The following KDM4C variants were observed in gnomAD, a reference collection of about 807,000 sequenced individuals.
KDM4C encodes lysine demethylase 4C, also known as lysine-specific demethylase 4C.
A neutral mutation model predicts 129.3 loss-of-function variants in KDM4C; 81 were observed. The observed-to-expected ratio is 0.63, with a 90% CI of 0.52 to 0.75. The LOEUF (loss-of-function observed/expected upper bound fraction) is 0.75, where lower values mean the gene tolerates loss of function less well. Among genes scored for constraint, KDM4C ranks in the 30% least tolerant of loss-of-function variants. The pLI is 0.00. For synonymous variants in KDM4C, 573 were observed against 456.1 expected, an observed-to-expected ratio of 1.26 and a Z score of -3.26; for missense variants, 1,457 against 1,304.0, an observed-to-expected ratio of 1.12 and a Z score of -1.81.
intron 5 of KDM4C, among the ~76,000 whole-genome samples, chr9:6,874,435 A>G (rs374688747): frequency 6.6e-6 from 1 of 152,304 alleles, no homozygotes; most frequent in South Asian, 2.1e-4. Flanking sequence ...ATTCTGTTTC[A>G]GCTATTGTCT....
At chr9:6,999,747 G>T (rs766409564) in intron 12 of KDM4C, among the ~76,000 whole-genome samples, 1 of 33,494 alleles carries the variant, frequency 3.0e-5, no homozygotes, top group Non-Finnish European at 5.6e-5. Context: ...AGGGTAGGCA[G>T]GCTGCGACTT....
chr9:6,912,154 T>C (rs551879022), intron 8 of KDM4C, among the ~76,000 whole-genome samples: 2 of 152,310 alleles, frequency 1.3e-5, no homozygotes, highest in South Asian at 2.1e-4. Flanking sequence ...TTGCTGTTTC[T>C]GGCCAGCCTT....
intron 1 of KDM4C, among the ~76,000 whole-genome samples, chr9:6,790,616 C>T (rs1431489863): frequency 7.1e-6 from 1 of 141,402 alleles, no homozygotes; most frequent in African/African-American, 2.6e-5. Context: ...TGCCCCATCC[C>T]TCATTTCTAA....
intron 17 of KDM4C, among the ~76,000 whole-genome samples, chr9:7,060,077 A>T (rs1027081416): frequency 6.6e-6 from 1 of 152,118 alleles, no homozygotes; most frequent in African/African-American, 2.4e-5. Context: ...GTGTTCTCAC[A>T]TTCCTTGCAA....
In KDM4C at chr9:7,052,906, CG is replaced by C. The variant is rs1269662978; in HGVS notation, c.2424+3707del. 1.1e-3 allele frequency among the ~76,000 whole-genome samples: 55 copies of C among 47,948 alleles called. 1 individual carries two copies. Among genetic ancestry groups the C allele is most frequent in the African/African-American group, 2.2e-3 (40 of 18,168 alleles). 31.5% of individuals were successfully genotyped at this position (47,948 alleles called of 152,430 possible). A position where few individuals can be genotyped will look rare whatever the true frequency, so the allele number is the denominator to read the frequency against. The stretch of plus-strand genomic sequence containing the variant: ...GAGAGAGAGAGAGAGAGAGAGCGAG[CG>C]AGTGCCCAAGGGATGACAATAGAGC... On this transcript the variant is annotated intron_variant, in intron 17 of 21. Transcript: ENST00000381309.
chr9:7,013,677 G>T lies in KDM4C; in HGVS notation c.1969-111G>T, dbSNP rs73399834. On this transcript the variant is annotated intron_variant, in intron 13 of 21. Coordinates refer to ENST00000381309, the MANE Select transcript of KDM4C (RefSeq NM_015061.6). ...GTTTGGTCAAGGAGAACAACAGGAA[G>T]AACAAAAGTTAGAAGTTAGTGTCTG... The T allele has an allele frequency of 2.1e-3, 2,083 of 1,000,034 alleles. 7 individuals are homozygous for T. Among genetic ancestry groups the T allele is most frequent in the African/African-American group, 0.013 (798 of 61,240 alleles). 61.9% of individuals were successfully genotyped at this position (1,000,034 alleles called of 1,614,324 possible). A position where few individuals can be genotyped will look rare whatever the true frequency, so the allele number is the denominator to read the frequency against.
At chr9:6,755,225 G>A (rs868503181), upstream of KDM4C, among the ~76,000 whole-genome samples, 5 of 152,294 alleles carry the variant, frequency 3.3e-5, no homozygotes, top group Middle Eastern at 6.8e-3. Context: ...CAAAAAATTA[G>A]CTAGGTGTGG....
chr9:6,766,195 A>G (rs921163387), intron 1 of KDM4C, among the ~76,000 whole-genome samples: 3 of 152,182 alleles, frequency 2.0e-5, no homozygotes, highest in African/African-American at 7.2e-5. Context: ...ATTGCATTTT[A>G]CTATACATTA....
intron 8 of KDM4C, among the ~76,000 whole-genome samples, chr9:6,941,284 C>T (rs756013895): frequency 1.9e-4 from 29 of 152,240 alleles, no homozygotes; most frequent in Admixed American, 3.3e-4. Context: ...TCTGGGATTA[C>T]GGGTGTTGGG....
chr9:6,981,189 T>G, intron 9 of KDM4C, 71 bp downstream of exon 9: 1 of 1,246,666 alleles, frequency 8.0e-7, no homozygotes, highest in Non-Finnish European at 1.1e-6. Flanking sequence ...TCATTGGATG[T>G]GGCAATTTAC....
chr9:6,790,668 A>T (rs1400109978), intron 1 of KDM4C, among the ~76,000 whole-genome samples: 1 of 150,384 alleles, frequency 6.6e-6, no homozygotes, highest in African/African-American at 2.4e-5. Flanking sequence ...AAAAAAAAAA[A>T]AAAAAAAAAA....
chr9:7,003,118 G>T (rs148947873), intron 12 of KDM4C, among the ~76,000 whole-genome samples: 1 of 152,014 alleles, frequency 6.6e-6, no homozygotes, highest in Non-Finnish European at 1.5e-5. Context: ...CATCTGCCTC[G>T]CCCTCCCAAA....
chr9:7,174,814 T>G lies in KDM4C; in HGVS notation c.*85T>G. ...ACATCCTTGGGGCTGTGCCGTGAGT[T>G]TTGCTGGCATAGGTGACAGGGTGTG... On this transcript the variant is annotated 3_prime_UTR_variant, in exon 22 of 22. Transcript: ENST00000381309. The G allele has an allele frequency of 8.3e-7, 1 of 1,203,426 alleles. No individual in the cohort carries two copies. The highest frequency in any genetic ancestry group is 1.2e-6 in the Non-Finnish European group (1 of 838,138). The allele number at this position is 1,203,426 out of a possible 1,614,324, so 74.5% of individuals were successfully genotyped here.
rs1351472995 is a variant in KDM4C, at chr9:7,103,756, C to T, written c.2496C>T (p.Cys832=). The T allele has an allele frequency of 3.7e-6, 6 of 1,613,976 alleles. No individual in the cohort carries two copies. The highest frequency in any genetic ancestry group is 1.7e-4 in the Middle Eastern group (1 of 6,058). ...GACIQCSYGR[C]PASFHVTCAH... is the part of the protein sequence containing the mutation. ...GCATCCAGTGTTCCTACGGTCGCTGCCCGGCCTCCTTCCATGTCACTTGTG... is the reference window on the plus strand; with the variant it reads ...GCATCCAGTGTTCCTACGGTCGCTGTCCGGCCTCCTTCCATGTCACTTGTG... The change falls in exon 18 of 22, where the codon TGC becomes TGT. Residue 832 remains cysteine, a synonymous_variant. Coordinates refer to ENST00000381309, the MANE Select transcript of KDM4C (RefSeq NM_015061.6).
At chr9:6,982,491 C>G (rs1204653721) in intron 9 of KDM4C, 1 of 152,144 alleles carries the variant, frequency 6.6e-6, no homozygotes, top group African/African-American at 2.4e-5. Flanking sequence ...TCACTCATGA[C>G]ATGTGTGAGT....
At chr9:6,847,238 A>G (rs1837995390) in intron 4 of KDM4C, among the ~76,000 whole-genome samples, 1 of 152,180 alleles carries the variant, frequency 6.6e-6, no homozygotes, top group Non-Finnish European at 1.5e-5. Context: ...TGCTTCACTA[A>G]TGACTTTTAA....
intron 18 of KDM4C, chr9:7,104,469 G>A (rs1268936426): frequency 6.6e-6 from 1 of 152,130 alleles, no homozygotes; most frequent in Non-Finnish European, 1.5e-5. Context: ...GAAAAGTAGA[G>A]GAGAAATATA....
At chr9:6,831,236 T>G (rs1287682932) in intron 4 of KDM4C, among the ~76,000 whole-genome samples, 3 of 152,162 alleles carry the variant, frequency 2.0e-5, no homozygotes, top group Non-Finnish European at 2.9e-5. Context: ...TGAAACAAAT[T>G]GGGCATTTAG....
intron 1 of KDM4C, among the ~76,000 whole-genome samples, chr9:6,761,105 G>T (rs550220115): frequency 2.5e-4 from 37 of 150,956 alleles, no homozygotes; most frequent in African/African-American, 9.0e-4. Flanking sequence ...TATCTCCCAG[G>T]TTCAGGCGAT....
Sources: allele counts gnomAD v4.1 joint callset (sites outside exome capture counted in the v4.1 genomes callset), GRCh38; gene constraint gnomAD v4.1.1; transcripts MANE v1.5; gene names NCBI Gene and HGNC (gene_info 2026-07-23, HGNC 2026-07-21).